The following PCDHGA5 variants were observed in gnomAD, a reference collection of about 807,000 sequenced individuals.
The protein encoded by PCDHGA5 is protocadherin gamma-A5.
A neutral mutation model predicts 56.7 loss-of-function variants in PCDHGA5; 36 were observed. That is an observed-to-expected ratio of 0.64 (90% CI 0.49 to 0.84). The LOEUF is 0.84. PCDHGA5 is among the 40% of genes least tolerant of loss of function. The pLI is 0.00. For synonymous variants in PCDHGA5, 563 were observed against 520.2 expected (o/e 1.08, Z -1.12); for missense variants, 1,305 against 1,201.5 (o/e 1.09, Z -1.27).
At chr5:141,415,420 G>A in intron 1 of PCDHGA5, 2 of 1,614,226 alleles carry the variant, frequency 1.2e-6, no homozygotes, top group Non-Finnish European at 1.7e-6. Flanking sequence ...GGGCGTGGAC[G>A]GGGTTCGGGC....
chr5:141,455,466 A>G (rs1253494886), intron 1 of PCDHGA5, among the ~76,000 whole-genome samples: 1 of 152,164 alleles, frequency 6.6e-6, no homozygotes, highest in East Asian at 1.9e-4. Flanking sequence ...AGCCAGGTAT[A>G]TATGCAGAGG....
In PCDHGA5 at chr5:141,404,506, C is replaced by T. The variant is rs530963064; in HGVS notation, c.2421+37755C>T. The stretch of plus-strand genomic sequence containing the variant: ...ACACTGGTGTGCTGTATGCTCTGTG[C>T]TCCTTTGACTATGAGCAGTTTAGAG... On this transcript the variant is annotated intron_variant, in intron 1 of 3. Coordinates refer to ENST00000518069, the MANE Select transcript of PCDHGA5 (RefSeq NM_018918.3). 540 of 1,613,932 alleles carry T rather than the reference C, an allele frequency of 3.3e-4. 6 individuals are homozygous for T. In the South Asian group the frequency reaches 5.6e-3, roughly 17 times the overall value.
chr5:141,405,032 G>T lies in PCDHGA5; in HGVS notation c.2421+38281G>T, dbSNP rs747720731. On this transcript the variant is annotated intron_variant, in intron 1 of 3. Coordinates refer to ENST00000518069, the MANE Select transcript of PCDHGA5 (RefSeq NM_018918.3). Reference sequence around the variant, plus strand: ...GGCCTCAGACCTTACCCTCTACCTCGTTGTGGCTGTGGCAGTCGTCTCCTG... The same window carrying T: ...GGCCTCAGACCTTACCCTCTACCTCTTTGTGGCTGTGGCAGTCGTCTCCTG... The T allele has an allele frequency of 1.9e-6, 3 of 1,613,806 alleles. No homozygotes were observed. Among genetic ancestry groups the T allele is most frequent in the Admixed American group, 3.3e-5 (2 of 59,992 alleles).
rs1304361659 is a variant in PCDHGA5 at position 141,494,859 on chromosome 5, C to T, written c.2474C>T (p.Thr825Ile). 2 of 1,614,134 alleles carry T rather than the reference C, an allele frequency of 1.2e-6. No individual in the cohort carries two copies. The highest frequency in any genetic ancestry group is 8.5e-7 in the Non-Finnish European group (1 of 1,180,012). Reference protein sequence around the residue: ...WRFSQAQRPGTSGSQNGDDTG... With the variant: ...WRFSQAQRPGISGSQNGDDTG... Reference sequence around the variant, plus strand: ...TTCTCTCAGGCCCAGAGACCCGGCACCAGCGGGTAGGTGACTGATTCTCCA... The same window carrying T: ...TTCTCTCAGGCCCAGAGACCCGGCATCAGCGGGTAGGTGACTGATTCTCCA... Residue 825 changes from threonine to isoleucine, a missense_variant, in exon 2 of 4, where the codon ACC becomes ATC. By Grantham distance (89) the Thr-to-Ile change is moderately conservative. Coordinates refer to ENST00000518069, the MANE Select transcript of PCDHGA5 (RefSeq NM_018918.3).
intron 1 of PCDHGA5, chr5:141,414,381 T>A: frequency 6.2e-7 from 1 of 1,613,866 alleles, no homozygotes. Context: ...AAAAGTCCAT[T>A]GACAGTTATT....
At chr5:141,403,208 A>T (rs763459005) in intron 1 of PCDHGA5, 2 of 1,613,962 alleles carry the variant, frequency 1.2e-6, no homozygotes, top group Non-Finnish European at 1.7e-6. Flanking sequence ...CACCTTGGTC[A>T]CCGCGGGTAG....
intron 1 of PCDHGA5, chr5:141,403,598 G>T: frequency 6.2e-7 from 1 of 1,613,820 alleles, no homozygotes; most frequent in Non-Finnish European, 8.5e-7. Context: ...CACGGCCTCG[G>T]ATGGCGGCGA....
At chr5:141,451,468 C>G (rs2098716484) in intron 1 of PCDHGA5, among the ~76,000 whole-genome samples, 1 of 152,202 alleles carries the variant, frequency 6.6e-6, no homozygotes, top group South Asian at 2.1e-4. Context: ...AGGTCTACCT[C>G]AGTTCCTTGC....
At chr5:141,404,924 G>A in intron 1 of PCDHGA5, 1 of 1,613,908 alleles carries the variant, frequency 6.2e-7, no homozygotes, top group South Asian at 1.1e-5. Flanking sequence ...CTCGGCCACT[G>A]TCACGCTCAC....
At chr5:141,368,053 G>T (rs903322143) in intron 1 of PCDHGA5, among the ~76,000 whole-genome samples, 8 of 152,166 alleles carry the variant, frequency 5.3e-5, no homozygotes, top group Non-Finnish European at 1.2e-4. Flanking sequence ...TGTAATGAAA[G>T]AACTACTATA....
chr5:141,377,448 G>A (rs976885039), intron 1 of PCDHGA5: 1 of 151,974 alleles, frequency 6.6e-6, no homozygotes, highest in Non-Finnish European at 1.5e-5. Flanking sequence ...AGAAAAAAAA[G>A]TAGCCAGATG....
rs1167812243 is a variant in PCDHGA5, at chr5:141,414,179, C to T, written c.2421+47428C>T. ...GATGGAGGAGCATATCTTGCAACTG[C>T]AAAAGTGTTGATTACAGTAGAAGAT... On this transcript the variant is annotated intron_variant, in intron 1 of 3. Transcript: ENST00000518069. 3 of 1,608,128 alleles carry T rather than the reference C, an allele frequency of 1.9e-6. No individual in the cohort carries two copies. In the South Asian group the frequency reaches 3.3e-5, roughly 18 times the overall value.
In PCDHGA5 at chr5:141,432,612, C is replaced by T. The variant is rs752901891; in HGVS notation, c.2422-62195C>T. 1.9e-6 allele frequency: 3 copies of T among 1,613,912 alleles called. No individual in the cohort carries two copies. The highest frequency in any genetic ancestry group is 2.5e-6 in the Non-Finnish European group (3 of 1,179,970). On this transcript the variant is annotated intron_variant, in intron 1 of 3. Transcript: ENST00000518069. The surrounding 1 kb of genome is among the most constrained non-coding windows in gnomAD (Gnocchi z 6.0). ...AAGGCCAGCGAGCCGGGACTCTTCT[C>T]GGTGGGTCTGCACACGGGCGAGGTG...
In PCDHGA5 at chr5:141,496,208, G is replaced by T. The variant is rs530974273; in HGVS notation, c.2480+1343G>T. On this transcript the variant is annotated intron_variant, in intron 2 of 3. Coordinates refer to ENST00000518069, the MANE Select transcript of PCDHGA5 (RefSeq NM_018918.3). Reference sequence around the variant, plus strand: ...CCAGCTGCTCATTTCAATCTGGTATGAATTCCTGCTGAGACAGGAACCCCC... The same window carrying T: ...CCAGCTGCTCATTTCAATCTGGTATTAATTCCTGCTGAGACAGGAACCCCC... Among the ~76,000 whole-genome samples, 13 of 152,222 alleles carry T rather than the reference G, an allele frequency of 8.5e-5. No homozygotes were observed. In the East Asian group the frequency reaches 2.3e-3, roughly 27 times the overall value.
intron 1 of PCDHGA5, chr5:141,408,778 A>G (rs1261786266): frequency 6.2e-7 from 1 of 1,612,198 alleles, no homozygotes; most frequent in Non-Finnish European, 8.5e-7. Flanking sequence ...GCAAATACCC[A>G]GAGTTATCTC....
rs2096779089 is a variant in PCDHGA5, at chr5:141,423,760, G to GA, written c.2421+57009_2421+57010insA. On this transcript the variant is annotated intron_variant, in intron 1 of 3. Transcript: ENST00000518069. ...GTTATGAAAACTGTTTGGGGGGGGG[G>GA]TGGGGCGGCATATATTTAGTTCATA... 1.1e-5 allele frequency: 3 copies of GA among 279,664 alleles called. 1 individual carries two copies. Among genetic ancestry groups the GA allele is most frequent in the African/African-American group, 6.7e-5 (2 of 29,702 alleles). The allele number at this position is 279,664 out of a possible 1,614,324, so 17.3% of individuals were successfully genotyped here.
At chr5:141,388,814 C>A in intron 1 of PCDHGA5, 1 of 1,613,826 alleles carries the variant, frequency 6.2e-7, no homozygotes, top group Non-Finnish European at 8.5e-7. Context: ...TTGAAGAAGT[C>A]AAAGAATATT....
intron 1 of PCDHGA5, chr5:141,371,301 A>T (rs199851082): frequency 6.2e-7 from 1 of 1,613,990 alleles, no homozygotes. Flanking sequence ...GGAACTCACC[A>T]CTATTGGAGA....
Position 141,365,390 on chromosome 5 carries a change from A to G in PCDHGA5, c.1060A>G (p.Ser354Gly). ...CGAAGTGATCCTCACCTCTCTGACC[A>G]GTTCGATCTCTGAAGACTGTCTTCC... ...APEVILTSLTSSISEDCLPGT... is the reference protein window; with the variant it reads ...APEVILTSLTGSISEDCLPGT... The change falls in exon 1 of 4, where the codon AGT becomes GGT. Residue 354 changes from serine (S) to glycine (G), a missense_variant. Transcript: ENST00000518069. 1 of 1,613,968 alleles carries G rather than the reference A, an allele frequency of 6.2e-7. No individual in the cohort carries two copies. Among genetic ancestry groups the G allele is most frequent in the Non-Finnish European group, 8.5e-7 (1 of 1,179,878 alleles).
Sources: allele counts gnomAD v4.1 joint callset (sites outside exome capture counted in the v4.1 genomes callset), GRCh38; gene constraint gnomAD v4.1.1; non-coding constraint Gnocchi (gnomAD v3.1); transcripts MANE v1.5; gene names NCBI Gene and HGNC (gene_info 2026-07-23, HGNC 2026-07-21).